Variants in GSTCD observed in about 807,000 individuals in gnomAD.
GSTCD encodes glutathione S-transferase C-terminal domain containing.
Under a neutral mutation model 68.3 loss-of-function variants are expected in GSTCD, and 44 were observed. The ratio of observed to expected loss-of-function variants is 0.64; its 90% CI spans 0.51 to 0.83. The LOEUF is 0.83. Ranked by LOEUF, GSTCD falls within the 40% of genes least tolerant of loss-of-function variation. GSTCD has a pLI of 0.00. For missense variants in GSTCD, 739 were observed against 735.9 expected (o/e 1.00, Z -0.05); for synonymous variants, 273 against 255.2 (o/e 1.07, Z -0.67).
intron 5 of GSTCD, among the ~76,000 whole-genome samples, chr4:105,810,275 T>A (rs1181802137): frequency 2.0e-5 from 3 of 152,110 alleles, no homozygotes; most frequent in African/African-American, 7.2e-5. Flanking sequence ...TCTCTGTGTA[T>A]CATATATATG....
chr4:105,722,013 A>G (rs1358747852), intron 3 of GSTCD, among the ~76,000 whole-genome samples: 1 of 152,164 alleles, frequency 6.6e-6, no homozygotes, highest in Non-Finnish European at 1.5e-5. Flanking sequence ...AGTTGCTACT[A>G]GTAAGCAAGT....
chr4:105,779,957 T>C (rs1735214712), intron 5 of GSTCD, among the ~76,000 whole-genome samples: 2 of 152,226 alleles, frequency 1.3e-5, no homozygotes, highest in African/African-American at 2.4e-5. Flanking sequence ...ATTTTATGCC[T>C]GATCATTCTT....
chr4:105,779,243 C>T (rs1047669691), intron 5 of GSTCD, among the ~76,000 whole-genome samples: 3 of 152,120 alleles, frequency 2.0e-5, no homozygotes, highest in Admixed American at 6.6e-5. Context: ...CCTTAACCTT[C>T]TTGAAGAACA....
chr4:105,841,984 G>A, intron 10 of GSTCD, 81 bp from the exon 11 acceptor site: 1 of 950,582 alleles, frequency 1.1e-6, no homozygotes. Flanking sequence ...AGAAAAATGA[G>A]GTAGTTTTTT....
chr4:105,768,473 C>G (rs907279798), intron 5 of GSTCD, among the ~76,000 whole-genome samples: 1 of 152,038 alleles, frequency 6.6e-6, no homozygotes, highest in Non-Finnish European at 1.5e-5. Context: ...TAGAGATAAT[C>G]AGGCCTATTG....
In GSTCD at chr4:105,847,109, A is replaced by G. The variant is rs921714961; in HGVS notation, c.*1532A>G. On this transcript the variant is annotated 3_prime_UTR_variant, in exon 12 of 12. Transcript: ENST00000515279. Reference sequence around the variant, plus strand: ...ACCTAAATTCTTTTTCTGCCAGCCAACATTTTAAAAGACAAATGATGCATC... The same window carrying G: ...ACCTAAATTCTTTTTCTGCCAGCCAGCATTTTAAAAGACAAATGATGCATC... The G allele has an allele frequency of 6.6e-6, 1 of 152,198 alleles. No individual in the cohort carries two copies. The highest frequency in any genetic ancestry group is 2.4e-5 in the African/African-American group (1 of 41,448). 9.4% of individuals were successfully genotyped at this position (152,198 alleles called of 1,614,324 possible). A position where few individuals can be genotyped will look rare whatever the true frequency, so the allele number is the denominator to read the frequency against.
intron 5 of GSTCD, among the ~76,000 whole-genome samples, chr4:105,752,902 A>T (rs1734054418): frequency 6.6e-6 from 1 of 152,062 alleles, no homozygotes; most frequent in Non-Finnish European, 1.5e-5. Flanking sequence ...CAAGGGTTCA[A>T]TTCTCTCGTC....
rs1490882690 is a variant in GSTCD, at chr4:105,845,540, C to T, written c.1865C>T (p.Ser622Phe). The T allele has an allele frequency of 2.5e-6, 4 of 1,613,984 alleles. No homozygotes were observed. The highest frequency in any genetic ancestry group is 2.2e-5 in the South Asian group (2 of 91,074). The change falls in exon 12 of 12, where the codon TCT becomes TTT. Residue 622 changes from serine (S) to phenylalanine (F), a missense_variant. Ser to Phe is a radical substitution (Grantham distance 155, BLOSUM62 -2). Transcript: ENST00000515279. ...QVISMEPESC[S>F]PKNNMIVGVP... The stretch of plus-strand genomic sequence containing the variant: ...ATATCCATGGAGCCAGAGAGCTGCT[C>T]TCCCAAAAATAACATGATTGTGGGA...
Position 105,842,066 on chromosome 4 carries a change from A to T in GSTCD, c.1697A>T (p.Glu566Val). Residue 566 changes from glutamate to valine, a missense_variant and splice_region_variant, in exon 11 of 12, where the codon GAA becomes GTA. Physicochemically the swap from Glu to Val is moderately radical, Grantham distance 121. Transcript: ENST00000515279. Reference protein sequence around the residue: ...EQFKKTLSYKEHMILCRFADQ... With the variant: ...EQFKKTLSYKVHMILCRFADQ... ...ACATTCTATTGCTTTTTCTTTTAGG[A>T]ACACATGATTCTGTGCAGATTTGCA... is the stretch of plus-strand genomic sequence containing the variant. 3 of 1,613,044 alleles carry T rather than the reference A, an allele frequency of 1.9e-6. No individual in the cohort carries two copies. The South Asian group carries it at 3.3e-5, about 18-fold the overall frequency.
At chr4:105,743,575 G>A (rs192898779) in intron 5 of GSTCD, among the ~76,000 whole-genome samples, 2 of 150,460 alleles carry the variant, frequency 1.3e-5, no homozygotes, top group East Asian at 3.9e-4. Context: ...TATTTTTAAT[G>A]GACTGTTTGG....
At chr4:105,769,349 G>A (rs536460549) in intron 5 of GSTCD, among the ~76,000 whole-genome samples, 1 of 152,086 alleles carries the variant, frequency 6.6e-6, no homozygotes, top group South Asian at 2.1e-4. Flanking sequence ...TCATGAACCA[G>A]TGACAGTTTG....
intron 5 of GSTCD, among the ~76,000 whole-genome samples, chr4:105,797,578 G>T (rs769983382): frequency 3.9e-5 from 6 of 152,054 alleles, no homozygotes; most frequent in Non-Finnish European, 8.8e-5. Context: ...CTGGTGGAGG[G>T]TCTTGCCTTG....
intron 9 of GSTCD, among the ~76,000 whole-genome samples, chr4:105,836,626 C>A (rs1314611169): frequency 6.6e-6 from 1 of 151,994 alleles, no homozygotes; most frequent in Non-Finnish European, 1.5e-5. Context: ...CCAGAGGGGG[C>A]TGAGGCGGGG....
chr4:105,745,802 T>C (rs929968392), intron 5 of GSTCD, among the ~76,000 whole-genome samples: 6 of 152,198 alleles, frequency 3.9e-5, no homozygotes, highest in Non-Finnish European at 8.8e-5. Flanking sequence ...TGACCTTACA[T>C]AAGATAAAGA....
chr4:105,815,949 A>G lies in GSTCD; in HGVS notation c.1241-7005A>G, dbSNP rs74438582. On this transcript the variant is annotated intron_variant, in intron 5 of 11. Transcript: ENST00000515279. Reference sequence around the variant, plus strand: ...GTGGTGTAAATGGTATTTGGATGAAATGAAAATATATGTGTTCAATTAACT... The same window carrying G: ...GTGGTGTAAATGGTATTTGGATGAAGTGAAAATATATGTGTTCAATTAACT... Among the ~76,000 whole-genome samples, 669 of 152,304 alleles carry G rather than the reference A, an allele frequency of 4.4e-3. 12 individuals carry two copies. The highest frequency in any genetic ancestry group is 0.015 in the African/African-American group (640 of 41,588).
chr4:105,801,666 A>G (rs910857375), intron 5 of GSTCD, among the ~76,000 whole-genome samples: 2 of 152,006 alleles, frequency 1.3e-5, no homozygotes, highest in Non-Finnish European at 2.9e-5. Flanking sequence ...TGTAATGAGC[A>G]TGCAGTATTC....
intron 10 of GSTCD, among the ~76,000 whole-genome samples, chr4:105,838,800 G>A (rs2149286764): frequency 6.6e-6 from 1 of 152,278 alleles, no homozygotes; most frequent in Admixed American, 6.5e-5. Flanking sequence ...TAATATTTGA[G>A]AAAAATATAT....
In GSTCD at chr4:105,818,300, T is replaced by C. The variant is rs536862396; in HGVS notation, c.1241-4654T>C. 5.3e-5 allele frequency among the ~76,000 whole-genome samples: 4 copies of C among 74,834 alleles called. No homozygotes were observed. The South Asian group carries it at 2.5e-3, about 46-fold the overall frequency. The allele number at this position is 74,834 out of a possible 152,430, so 49.1% of individuals were successfully genotyped here. Reference sequence around the variant, plus strand: ...TCTTTTGTCTTGAAAAAAATTGTTATTGACAAAAGTAGGAGATGTTTTAAA... The same window carrying C: ...TCTTTTGTCTTGAAAAAAATTGTTACTGACAAAAGTAGGAGATGTTTTAAA... On this transcript the variant is annotated intron_variant, in intron 5 of 11. Transcript: ENST00000515279.
chr4:105,727,924 A>G (rs1043647889), intron 4 of GSTCD, among the ~76,000 whole-genome samples: 2 of 152,146 alleles, frequency 1.3e-5, no homozygotes, highest in African/African-American at 4.8e-5. Context: ...ATATTTCCCT[A>G]TTTGGGTTAG....
Sources: gnomAD v4.1 joint callset for allele counts (sites outside exome capture counted in the v4.1 genomes callset) on GRCh38, gnomAD v4.1.1 for gene constraint, MANE v1.5 for transcripts, NCBI Gene and HGNC (gene_info 2026-07-23, HGNC 2026-07-21) for gene names.